APBA1: variants seen among roughly 807,000 people sequenced by gnomAD.
APBA1 encodes amyloid-beta A4 precursor protein-binding family A member 1.
A neutral mutation model predicts 86.6 loss-of-function variants in APBA1; 55 were observed. That is an observed-to-expected ratio of 0.64 (90% CI 0.51 to 0.80). The LOEUF (loss-of-function observed/expected upper bound fraction) is 0.80, where lower values mean the gene tolerates loss of function less well. Ranked by LOEUF, APBA1 falls within the 30% of genes least tolerant of loss-of-function variation. The pLI, the probability that APBA1 is intolerant of heterozygous loss-of-function variation, is 0.00. For missense variants in APBA1, 1,090 were observed against 1,183.0 expected (o/e 0.92, Z 1.15); for synonymous variants, 511 against 493.9 (o/e 1.03, Z -0.46).
At chr9:69,471,862 G>GT (rs1318050668) in intron 3 of APBA1, among the ~76,000 whole-genome samples, 167 bp from the exon 4 acceptor site, 1 of 152,156 alleles carries the variant, frequency 6.6e-6, no homozygotes, top group Non-Finnish European at 1.5e-5. Context: ...GCATTTATTA[G>GT]TAAAGGTTAC....
chr9:69,447,698 G>A (rs1023226750), intron 10 of APBA1, among the ~76,000 whole-genome samples: 4 of 152,136 alleles, frequency 2.6e-5, no homozygotes, highest in Non-Finnish European at 4.4e-5. Flanking sequence ...TCATCTTGCT[G>A]TGCCTCAGCT....
intron 2 of APBA1, among the ~76,000 whole-genome samples, chr9:69,499,071 T>C (rs1835842799): frequency 6.6e-6 from 1 of 152,144 alleles, no homozygotes; most frequent in Non-Finnish European, 1.5e-5. Context: ...TTCTGGGATG[T>C]TGACTTAAAG....
At chr9:69,474,060 A>G (rs1318024622) in intron 3 of APBA1, among the ~76,000 whole-genome samples, 1 of 151,168 alleles carries the variant, frequency 6.6e-6, no homozygotes, top group East Asian at 1.9e-4. Flanking sequence ...ACTGAGATGA[A>G]CATCAGTTGA....
rs374719670 is a variant in APBA1 at position 69,467,816 on chromosome 9, T to C, written c.1482+7A>G. 4.3e-5 allele frequency: 70 copies of C among 1,614,054 alleles called. No homozygotes were observed. The highest frequency in any genetic ancestry group is 5.7e-5 in the Non-Finnish European group (67 of 1,180,010). The stretch of plus-strand genomic sequence containing the variant: ...CTGTCCCTGTTGGAGCACCCAGATG[T>C]CCTCACCTTGATCCTGCTTACGGCT... On this transcript the variant is annotated splice_region_variant and intron_variant, in intron 5 of 12. Coordinates refer to ENST00000265381, the MANE Select transcript of APBA1 (RefSeq NM_001163.4).
In APBA1 at chr9:69,516,916, C is replaced by T. The variant is rs200566474; in HGVS notation, c.295G>A (p.Ala99Thr). 81 of 1,594,316 alleles carry T rather than the reference C, an allele frequency of 5.1e-5. No homozygotes were observed. Among genetic ancestry groups the T allele is most frequent in the Non-Finnish European group, 1.5e-5 (18 of 1,177,090 alleles). The change falls in exon 2 of 13, where the codon GCG becomes ACG. Residue 99 changes from alanine to threonine, a missense_variant. Ala to Thr is a moderately conservative substitution (Grantham distance 58). Coordinates refer to ENST00000265381, the MANE Select transcript of APBA1 (RefSeq NM_001163.4). This position sits in a 1 kb window ranked among gnomAD's most constrained non-coding sequence, Gnocchi z 7.3. ...TCCGCATCGTAGCCGTCGCGGGCCG[C>T]GGCGATCACGTCGCCCTCGGCGGTG... ...TDTAEGDVIA[A>T]ARDGYDAERA...
chr9:69,594,011 C>T (rs544187104), intron 1 of APBA1, among the ~76,000 whole-genome samples: 2 of 152,076 alleles, frequency 1.3e-5, no homozygotes, highest in African/African-American at 2.4e-5. Context: ...GATCTTCTGG[C>T]GTTAGATTCC....
chr9:69,523,090 C>T (rs1264666286), intron 1 of APBA1, among the ~76,000 whole-genome samples: 1 of 152,098 alleles, frequency 6.6e-6, no homozygotes, highest in Admixed American at 6.6e-5. Context: ...AGAGGGAATT[C>T]CACTTCAGTG....
intron 2 of APBA1, among the ~76,000 whole-genome samples, chr9:69,493,646 C>T (rs963450056): frequency 1.3e-5 from 2 of 152,082 alleles, no homozygotes; most frequent in African/African-American, 4.8e-5. Flanking sequence ...CTTACGTTTC[C>T]TCTCCAAGTG....
chr9:69,634,844 A>G (rs1454007015), intron 1 of APBA1, among the ~76,000 whole-genome samples: 1 of 152,210 alleles, frequency 6.6e-6, no homozygotes, highest in East Asian at 1.9e-4. Context: ...CAGAAGGAAA[A>G]AAAATTATTC....
Position 69,448,784 on chromosome 9 carries a change from C to G in APBA1, c.2181+800G>C, listed in dbSNP as rs567998178. ...GTGGAATCTCAGTCTAGCTACAGTA[C>G]CGCAGCACTTGGTGCAGAGCTACTG... On this transcript the variant is annotated intron_variant, in intron 10 of 12. Coordinates refer to ENST00000265381, the MANE Select transcript of APBA1 (RefSeq NM_001163.4). 5.9e-5 allele frequency among the ~76,000 whole-genome samples: 9 copies of G among 152,324 alleles called. No individual in the cohort carries two copies. The East Asian group carries it at 1.7e-3, about 29-fold the overall frequency.
intron 1 of APBA1, among the ~76,000 whole-genome samples, chr9:69,664,886 TA>T (rs1445145766): frequency 6.6e-6 from 1 of 152,218 alleles, no homozygotes; most frequent in Non-Finnish European, 1.5e-5. Context: ...TTAAAATCCC[TA>T]AATTAAAATA....
intron 1 of APBA1, among the ~76,000 whole-genome samples, chr9:69,542,390 C>G (rs897618515): frequency 6.6e-6 from 1 of 152,120 alleles, no homozygotes; most frequent in East Asian, 1.9e-4. Context: ...GTTTCACTGC[C>G]CTGGTTTCTT....
At chr9:69,530,198 C>A (rs1836402808) in intron 1 of APBA1, among the ~76,000 whole-genome samples, 1 of 151,844 alleles carries the variant, frequency 6.6e-6, no homozygotes, top group South Asian at 2.1e-4. Flanking sequence ...ATTAAAAAGA[C>A]ACATGCACTT....
At chr9:69,541,053 C>T (rs529304325) in intron 1 of APBA1, among the ~76,000 whole-genome samples, 1 of 152,154 alleles carries the variant, frequency 6.6e-6, no homozygotes, top group African/African-American at 2.4e-5. Context: ...TAACATTCCA[C>T]GCATGTATAT....
intron 1 of APBA1, among the ~76,000 whole-genome samples, chr9:69,521,678 G>T (rs1438547933): frequency 6.6e-6 from 1 of 152,192 alleles, no homozygotes; most frequent in East Asian, 1.9e-4. Context: ...ACATTATGTA[G>T]ATATTATTCA....
chr9:69,639,396 G>A (rs1460077882), intron 1 of APBA1, among the ~76,000 whole-genome samples: 1 of 152,200 alleles, frequency 6.6e-6, no homozygotes, highest in South Asian at 2.1e-4. Context: ...CTCACTTAAA[G>A]AAACTAAGAG....
At chr9:69,520,143 T>C (rs1405551915) in intron 1 of APBA1, among the ~76,000 whole-genome samples, 4 of 152,202 alleles carry the variant, frequency 2.6e-5, no homozygotes, top group Non-Finnish European at 4.4e-5. Flanking sequence ...ACATTGACTT[T>C]GGGGGTTTCC....
chr9:69,644,038 C>T (rs1275013091), intron 1 of APBA1, among the ~76,000 whole-genome samples: 1 of 152,194 alleles, frequency 6.6e-6, no homozygotes, highest in African/African-American at 2.4e-5. Context: ...AATGGCCAGG[C>T]CTTCCTTGAC....
At chr9:69,588,261 G>T (rs143664994) in intron 1 of APBA1, among the ~76,000 whole-genome samples, 16 of 152,110 alleles carry the variant, frequency 1.1e-4, no homozygotes, top group Non-Finnish European at 7.4e-5. Context: ...TGGAGAAACA[G>T]AAAAGGGGGC....
Sources: gnomAD v4.1 joint callset for allele counts (sites outside exome capture counted in the v4.1 genomes callset) on GRCh38, gnomAD v4.1.1 for gene constraint, Gnocchi (gnomAD v3.1) non-coding constraint, MANE v1.5 for transcripts, NCBI Gene and HGNC (gene_info 2026-07-23, HGNC 2026-07-21) for gene names.